Variants in CFAP92 observed in about 807,000 individuals in gnomAD.
CFAP92 encodes uncharacterized protein CFAP92.
In CFAP92, 86 loss-of-function variants were observed where a neutral mutation model predicts 106.3. The observed-to-expected ratio is 0.81, with a 90% confidence interval of 0.68 to 0.97. The LOEUF is 0.97. CFAP92 is among the 50% of genes least tolerant of loss of function. The pLI is 0.00. For missense variants in CFAP92, 1,204 were observed against 1,283.8 expected (o/e 0.94, Z 0.95); for synonymous variants, 477 against 506.4 (o/e 0.94, Z 0.78).
At chr3:128,963,023 A>G (rs1039912755) in intron 9 of CFAP92, among the ~76,000 whole-genome samples, 8 of 152,114 alleles carry the variant, frequency 5.3e-5, no homozygotes, top group Non-Finnish European at 1.0e-4. Flanking sequence ...ACTGACCCTG[A>G]CACCCATTAG....
At chr3:129,015,096 C>G in the CFAP92 span, among the ~76,000 whole-genome samples, 7 of 152,318 alleles carry the variant, frequency 4.6e-5, no homozygotes, top group South Asian at 1.2e-3. Context: ...GATCCCACCT[C>G]GGGCTCGCCC....
rs534436634 is a variant in CFAP92 at position 129,001,377 on chromosome 3, G to A, written n.117+1197C>T. Among the ~76,000 whole-genome samples the A allele has an allele frequency of 3.7e-4, 56 of 152,332 alleles. 1 individual carries two copies. Among genetic ancestry groups the A allele is most frequent in the Middle Eastern group, 3.4e-3 (1 of 294 alleles). ...CGCGGAGAAGCCAGACCCAGACGCC[G>A]ACCGGGCACTGGTGGCGCTGCCGGG... On this transcript the variant is annotated intron_variant and non_coding_transcript_variant, in intron 1 of 4. Coordinates refer to the CFAP92 transcript ENST00000510149.
chr3:129,026,726 C>T, the CFAP92 span, among the ~76,000 whole-genome samples: 1 of 152,114 alleles, frequency 6.6e-6, no homozygotes, highest in Non-Finnish European at 1.5e-5. Context: ...AGTCTGGAGC[C>T]TGTGGAGTAG....
At chr3:129,022,651 G>A in the CFAP92 span, among the ~76,000 whole-genome samples, 2 of 152,214 alleles carry the variant, frequency 1.3e-5, no homozygotes, top group African/African-American at 4.8e-5. Context: ...GGTCTGCCAG[G>A]AAGTGAGGGT....
At chr3:128,986,400 G>A (rs1228863920) in intron 4 of CFAP92, among the ~76,000 whole-genome samples, 1 of 152,046 alleles carries the variant, frequency 6.6e-6, no homozygotes, top group Non-Finnish European at 1.5e-5. Flanking sequence ...TCACCATGCT[G>A]GGCTGATTTT....
intron 12 of CFAP92, among the ~76,000 whole-genome samples, chr3:128,918,396 C>A (rs1936993699): frequency 1.3e-5 from 2 of 152,186 alleles, no homozygotes; most frequent in Non-Finnish European, 2.9e-5. Context: ...TCGCTTGAAT[C>A]CAGGAGGCAG....
At chr3:128,942,916 C>CTTTTTTT (rs36073693) in intron 10 of CFAP92, among the ~76,000 whole-genome samples, 1 of 84,972 alleles carries the variant, frequency 1.2e-5, no homozygotes, top group Non-Finnish European at 2.1e-5. Flanking sequence ...AAAACTCAAC[C>CTTTTTTT]TTTTTTTTTT....
At position 128,993,329 on chromosome 3, in the gene CFAP92, CG is replaced by C. The variant is rs1289433568; in HGVS notation, c.-26del. On this transcript the variant is annotated 5_prime_UTR_variant, in exon 2 of 16. Transcript: ENST00000645291. ...TGCTGCAGAGCGCACTGCTGGCCGC[CG>C]GCGCTCCTGGCAGGGAGAAAGTGAA... 6.3e-7 allele frequency: 1 copy of C among 1,598,656 alleles called. No individual in the cohort carries two copies. Among genetic ancestry groups the C allele is most frequent in the Non-Finnish European group, 8.5e-7 (1 of 1,172,258 alleles).
At chr3:128,930,434 AGTACT>A (rs1256335782) in intron 12 of CFAP92, among the ~76,000 whole-genome samples, 2 of 151,950 alleles carry the variant, frequency 1.3e-5, no homozygotes, top group Non-Finnish European at 2.9e-5. Context: ...TACAGGTGTG[AGTACT>A]GTGCCTGGCC....
chr3:129,003,833 G>C, upstream of CFAP92: 1 of 1,462,694 alleles, frequency 6.8e-7, no homozygotes, highest in South Asian at 1.3e-5. Flanking sequence ...CCACGAGATG[G>C]GGCACGGCGG....
rs1689983574 is a variant in CFAP92, at chr3:128,920,008, A to T, written c.2752-3737T>A. The stretch of plus-strand genomic sequence containing the variant: ...TACCCTCTTTACCATTTAACAAAAA[A>T]TAACAGACATGCCAGGTAACAGGAT... On this transcript the variant is annotated intron_variant, in intron 12 of 15. Coordinates refer to ENST00000645291, the MANE Select transcript of CFAP92 (RefSeq NM_001394090.1). Among the ~76,000 whole-genome samples, 5 of 152,380 alleles carry T rather than the reference A, an allele frequency of 3.3e-5. No homozygotes were observed. The South Asian group carries it at 1.0e-3, about 32-fold the overall frequency.
chr3:129,018,509 A>G, the CFAP92 span, among the ~76,000 whole-genome samples: 2 of 152,216 alleles, frequency 1.3e-5, no homozygotes, highest in African/African-American at 4.8e-5. Context: ...TCCTGTGCAG[A>G]GTGGAGTAGC....
chr3:128,910,794 CCTCT>C lies in CFAP92; in HGVS notation c.3281-465_3281-462del, dbSNP rs1559834691. On this transcript the variant is annotated intron_variant, in intron 15 of 15. Coordinates refer to ENST00000645291, the MANE Select transcript of CFAP92 (RefSeq NM_001394090.1). ...AAGCTTACTTGCAGAATCTCTTCAG[CCTCT>C]CTCAGCTGGACAAGTGTGAGTGGCA... 1 of 1,614,086 alleles carries C rather than the reference CCTCT, an allele frequency of 6.2e-7. No individual in the cohort carries two copies. The highest frequency in any genetic ancestry group is 1.3e-5 in the African/African-American group (1 of 74,936).
chr3:128,977,206 A>C (rs916330621), intron 5 of CFAP92, 140 bp from the exon 6 acceptor site: 7 of 665,382 alleles, frequency 1.1e-5, no homozygotes, highest in Non-Finnish European at 1.6e-5. Flanking sequence ...ATTGTTAATA[A>C]CTGAGTGAAT....
chr3:129,001,956 C>A (rs1414108304), intron 1 of CFAP92: 6 of 1,544,074 alleles, frequency 3.9e-6, no homozygotes, highest in Non-Finnish European at 5.2e-6. Flanking sequence ...AGATGTGACC[C>A]CCGGGGATGC....
rs1247257634 is a variant in CFAP92, at chr3:128,955,572, G to A, written c.1354-9597C>T. Among the ~76,000 whole-genome samples, 3 of 39,838 alleles carry A rather than the reference G, an allele frequency of 7.5e-5. 1 individual carries two copies. In the East Asian group the frequency reaches 5.6e-3, roughly 74 times the overall value. 26.1% of individuals were successfully genotyped at this position (39,838 alleles called of 152,430 possible). On this transcript the variant is annotated intron_variant, in intron 9 of 15. Transcript: ENST00000645291. Reference sequence around the variant, plus strand: ...AGGTGGGGGGGTCAGCCCCCCGCCCGGCCAGCCGCCCCGCCCAGGAGGTGA... The same window carrying A: ...AGGTGGGGGGGTCAGCCCCCCGCCCAGCCAGCCGCCCCGCCCAGGAGGTGA...
chr3:128,933,127 CT>C, intron 11 of CFAP92, 130 bp from the exon 12 acceptor site: 1 of 813,258 alleles, frequency 1.2e-6, no homozygotes, highest in Non-Finnish European at 1.9e-6. Context: ...GAGCTTGTGA[CT>C]AAAGAGCTCC....
chr3:129,002,690 T>C (rs1576689043), exon 1 of CFAP92: 1 of 259,346 alleles, frequency 3.9e-6, no homozygotes, highest in East Asian at 7.5e-5. Context: ...CTCTCCTTCC[T>C]GCCAGGCTTC....
intron 8 of CFAP92, chr3:128,967,876 G>A (rs1343167028): frequency 1.3e-5 from 2 of 152,222 alleles, no homozygotes; most frequent in East Asian, 1.9e-4. Context: ...TCTTTGCTCA[G>A]GGGACAGTCC....
Sources: allele counts gnomAD v4.1 joint callset (sites outside exome capture counted in the v4.1 genomes callset), GRCh38; gene constraint gnomAD v4.1.1; transcripts MANE v1.5; gene names NCBI Gene and HGNC (gene_info 2026-07-23, HGNC 2026-07-21).